Variants in CNTN4 observed in about 807,000 individuals in gnomAD.
CNTN4 encodes contactin-4.
In CNTN4, 77 loss-of-function variants were observed where a neutral mutation model predicts 122.5. The ratio of observed to expected loss-of-function variants is 0.63; its 90% CI spans 0.52 to 0.76. CNTN4 has a LOEUF of 0.76. Among genes scored for constraint, CNTN4 ranks in the 30% least tolerant of loss-of-function variants. The probability of loss-of-function intolerance (pLI) is 0.00; values close to 1 mark genes in which losing one functional copy is unlikely to be tolerated. For missense variants in CNTN4, 1,256 were observed against 1,259.1 expected (o/e 1.00, Z 0.04); for synonymous variants, 512 against 447.0 (o/e 1.15, Z -1.83).
At chr3:2,199,399 C>T (rs942566265) in intron 2 of CNTN4, among the ~76,000 whole-genome samples, 6 of 152,004 alleles carry the variant, frequency 3.9e-5, no homozygotes, top group East Asian at 3.9e-4. Context: ...GAGATCCCTC[C>T]GTACCTTCTC....
At chr3:2,264,370 G>A (rs2040958323) in intron 2 of CNTN4, among the ~76,000 whole-genome samples, 1 of 151,986 alleles carries the variant, frequency 6.6e-6, no homozygotes, top group South Asian at 2.1e-4. Flanking sequence ...GATGGTTAGT[G>A]ATATTGAAAA....
chr3:2,635,428 T>A (rs1039515788), intron 4 of CNTN4, among the ~76,000 whole-genome samples: 7 of 152,176 alleles, frequency 4.6e-5, no homozygotes, highest in Non-Finnish European at 8.8e-5. Context: ...AAGTGAAAAA[T>A]CTGTGAGTAA....
intron 2 of CNTN4, among the ~76,000 whole-genome samples, chr3:2,186,590 CT>C (rs939565869): frequency 2.0e-5 from 3 of 152,154 alleles, no homozygotes; most frequent in African/African-American, 7.2e-5. Context: ...TCTCCAGCAC[CT>C]GTTGTTTCCT....
At chr3:2,897,784 G>A (rs2094131129) in intron 10 of CNTN4, among the ~76,000 whole-genome samples, 1 of 152,090 alleles carries the variant, frequency 6.6e-6, no homozygotes, top group Admixed American at 6.5e-5. Flanking sequence ...GTGGCATCAT[G>A]GTGGCCCTCA....
At chr3:2,350,255 G>T (rs1354828121) in intron 3 of CNTN4, among the ~76,000 whole-genome samples, 1 of 152,172 alleles carries the variant, frequency 6.6e-6, no homozygotes, top group Non-Finnish European at 1.5e-5. Context: ...TAACCATGTT[G>T]GTAATGACAG....
chr3:2,548,859 C>G (rs748134349), intron 3 of CNTN4, among the ~76,000 whole-genome samples: 1 of 151,910 alleles, frequency 6.6e-6, no homozygotes, highest in Non-Finnish European at 1.5e-5. Flanking sequence ...CTTTGAGCAG[C>G]GGTTTGTAGT....
At chr3:2,643,584 G>C (rs1322583502) in intron 4 of CNTN4, among the ~76,000 whole-genome samples, 1 of 152,148 alleles carries the variant, frequency 6.6e-6, no homozygotes, top group African/African-American at 2.4e-5. Flanking sequence ...GAGATGCTGA[G>C]GATATAGCAG....
chr3:2,949,977 CAACTT>C (rs1156351516), intron 13 of CNTN4, among the ~76,000 whole-genome samples: 1 of 152,206 alleles, frequency 6.6e-6, no homozygotes, highest in African/African-American at 2.4e-5. Context: ...TTGAATAAAA[CAACTT>C]AAGAAGTTGA....
intron 4 of CNTN4, among the ~76,000 whole-genome samples, chr3:2,711,063 A>C (rs2087117855): frequency 6.6e-6 from 1 of 152,210 alleles, no homozygotes; most frequent in South Asian, 2.1e-4. Context: ...GTAGAGATCT[A>C]ATATTTTCTG....
At chr3:2,877,018 AAACTC>A (rs1471508947) in intron 8 of CNTN4, among the ~76,000 whole-genome samples, 3 of 152,222 alleles carry the variant, frequency 2.0e-5, no homozygotes, top group Non-Finnish European at 2.9e-5. Context: ...ACTAAATCAG[AAACTC>A]AAGCCTTTCA....
intron 2 of CNTN4, among the ~76,000 whole-genome samples, chr3:2,101,767 A>G (rs2031983047): frequency 6.6e-6 from 1 of 152,246 alleles, no homozygotes; most frequent in Non-Finnish European, 1.5e-5. Context: ...ACACAAAGAA[A>G]CAAAAAAGAT....
chr3:2,751,030 G>A lies in CNTN4; in HGVS notation c.358+5333G>A, dbSNP rs1423492179. 2.6e-5 allele frequency among the ~76,000 whole-genome samples: 4 copies of A among 152,124 alleles called. No homozygotes were observed. In the South Asian group the frequency reaches 6.2e-4, roughly 24 times the overall value. The stretch of plus-strand genomic sequence containing the variant: ...TAAAAGGATGCTTATGGCCAGGCGC[G>A]ATGGCTCATGCCTATAATTCCAGCC... On this transcript the variant is annotated intron_variant, in intron 6 of 24. Coordinates refer to ENST00000418658, the MANE Select transcript of CNTN4 (RefSeq NM_175607.3).
At chr3:2,624,371 G>T (rs566103556) in intron 4 of CNTN4, among the ~76,000 whole-genome samples, 7 of 152,140 alleles carry the variant, frequency 4.6e-5, no homozygotes, top group African/African-American at 1.7e-4. Flanking sequence ...GCTTGAGAGA[G>T]AAAAATTTCT....
chr3:2,765,552 G>A (rs1311889814), intron 6 of CNTN4, among the ~76,000 whole-genome samples: 1 of 152,186 alleles, frequency 6.6e-6, no homozygotes, highest in Non-Finnish European at 1.5e-5. Context: ...CTAGCCTGCT[G>A]TGTATTTTTA....
At chr3:2,967,651 T>C (rs372776188) in intron 13 of CNTN4, among the ~76,000 whole-genome samples, 8 of 152,242 alleles carry the variant, frequency 5.3e-5, no homozygotes, top group African/African-American at 1.4e-4. Flanking sequence ...CTTTTCACTG[T>C]CTCAGTTATA....
chr3:3,048,304 C>T (rs207462949), intron 23 of CNTN4, among the ~76,000 whole-genome samples: 3 of 152,122 alleles, frequency 2.0e-5, no homozygotes, highest in African/African-American at 7.2e-5. Context: ...CAACTATTTA[C>T]ATACCATTTA....
intron 2 of CNTN4, among the ~76,000 whole-genome samples, chr3:2,187,615 G>C (rs1279190777): frequency 1.3e-5 from 2 of 152,096 alleles, no homozygotes; most frequent in Admixed American, 1.3e-4. Context: ...CATTCTGCCG[G>C]GTTCCGTCTT....
intron 2 of CNTN4, among the ~76,000 whole-genome samples, chr3:2,269,778 A>G (rs1002087940): frequency 6.6e-6 from 1 of 152,154 alleles, no homozygotes; most frequent in African/African-American, 2.4e-5. Context: ...TTTATAAAAA[A>G]CGATGAAATG....
chr3:2,261,723 G>GTA (rs922764745), intron 2 of CNTN4, among the ~76,000 whole-genome samples: 6 of 152,268 alleles, frequency 3.9e-5, no homozygotes, highest in African/African-American at 9.6e-5. Context: ...TTTAAGTGGA[G>GTA]TATTGCCCAG....
Sources: allele counts gnomAD v4.1 joint callset (sites outside exome capture counted in the v4.1 genomes callset), GRCh38; gene constraint gnomAD v4.1.1; transcripts MANE v1.5; gene names NCBI Gene and HGNC (gene_info 2026-07-23, HGNC 2026-07-21).